Variants in LHX5 observed in about 807,000 individuals in gnomAD.
LHX5 encodes LIM/homeobox protein Lhx5.
Under a neutral mutation model 30.6 loss-of-function variants are expected in LHX5, and 5 were observed. That is an observed-to-expected ratio of 0.16 (90% CI 0.09 to 0.34). The LOEUF (loss-of-function observed/expected upper bound fraction) is 0.34, where lower values mean the gene tolerates loss of function less well. LHX5 is among the 10% of genes least tolerant of loss of function. The probability of loss-of-function intolerance (pLI) is 1.00; values close to 1 mark genes in which losing one functional copy is unlikely to be tolerated. For synonymous variants in LHX5, 266 were observed against 252.6 expected (o/e 1.05, Z -0.50); for missense variants, 458 against 570.6 (o/e 0.80, Z 2.01).
At position 113,466,115 on chromosome 12, in the gene LHX5, C is replaced by CT. The variant is rs1400518192; in HGVS notation, c.841+1140dup. On this transcript the variant is annotated intron_variant, in intron 4 of 4. Coordinates refer to ENST00000261731, the MANE Select transcript of LHX5 (RefSeq NM_022363.3). This position sits in a 1 kb window ranked among gnomAD's most constrained non-coding sequence, Gnocchi z 6.5. ...ACCTGGGTGCCTAGCTCCTGCCTTG[C>CT]TAACACTGCCACTGAACCCACTTTC... Among the ~76,000 whole-genome samples the CT allele has an allele frequency of 1.3e-5, 2 of 152,214 alleles. No individual in the cohort carries two copies. The highest frequency in any genetic ancestry group is 1.3e-4 in the Admixed American group (2 of 15,288).
chr12:113,463,437 G>A lies in LHX5; in HGVS notation c.962C>T (p.Thr321Met). 6.4e-7 allele frequency: 1 copy of A among 1,554,026 alleles called. No individual in the cohort carries two copies. Residue 321 changes from threonine (T) to methionine (M), a missense_variant, in exon 5 of 5, where the codon ACG becomes ATG. Thr to Met is a moderately conservative substitution (Grantham distance 81). Around this residue, in one of 3 missense-constraint regions of LHX5, gnomAD observed 255 missense variants for 246.8 expected, o/e 1.03. Transcript: ENST00000261731. This position sits in a 1 kb window ranked among gnomAD's most constrained non-coding sequence, Gnocchi z 6.7. ...CGGCGGTTCCAGCGCTCCCAGCGGC[G>A]TCGAGCCGGGGCCAGAGGCCGCCAG... ...SFLAASGPGSTPLGALEPPLA... is the reference protein window; with the variant it reads ...SFLAASGPGSMPLGALEPPLA...
intron 2 of LHX5, among the ~76,000 whole-genome samples, 189 bp downstream of exon 2, chr12:113,468,933 T>C (rs951105117): frequency 1.3e-5 from 2 of 152,188 alleles, no homozygotes. Context: ...AGATCCCCTG[T>C]AAAACCTGCT....
At position 113,467,137 on chromosome 12, in the gene LHX5, G is replaced by T; in HGVS notation, c.841+119C>A. The stretch of plus-strand genomic sequence containing the variant: ...GGTGAGTGTACATGTGTCTGTGATC[G>T]TGTGTCCAGCGAGTGGGCGATGTTC... On this transcript the variant is annotated intron_variant, in intron 4 of 4. Transcript: ENST00000261731. The surrounding 1 kb of genome is among the most constrained non-coding windows in gnomAD (Gnocchi z 6.3). 2.0e-6 allele frequency: 2 copies of T among 1,001,954 alleles called. No individual in the cohort carries two copies. The highest frequency in any genetic ancestry group is 4.5e-5 in the South Asian group (2 of 44,198). 62.1% of individuals were successfully genotyped at this position (1,001,954 alleles called of 1,614,324 possible).
At chr12:113,470,098 T>C (rs1425388509) in intron 1 of LHX5, among the ~76,000 whole-genome samples, 1 of 152,120 alleles carries the variant, frequency 6.6e-6, no homozygotes, top group Non-Finnish European at 1.5e-5. Context: ...CAGGAATCTC[T>C]CAAATCCCCG....
intron 1 of LHX5, 25 bp from the exon 2 acceptor site, chr12:113,469,370 T>C (rs1958233177): frequency 6.2e-7 from 1 of 1,600,862 alleles, no homozygotes; most frequent in African/African-American, 1.3e-5. Flanking sequence ...TGCCTGTCAC[T>C]ATGGGGTGGG....
Position 113,468,117 on chromosome 12 carries a change from C to A in LHX5, c.675+10G>T. On this transcript the variant is annotated intron_variant, in intron 3 of 4. Transcript: ENST00000261731. ...CGGGGCTAAGGAGCTGTGCCCGCCC[C>A]GGGCCGCACCTGGATGACGCGCATG... The A allele has an allele frequency of 6.5e-7, 1 of 1,540,982 alleles. No homozygotes were observed.
At position 113,463,628 on chromosome 12, in the gene LHX5, C is replaced by G; in HGVS notation, c.842-71G>C. 1 of 1,432,354 alleles carries G rather than the reference C, an allele frequency of 7.0e-7. No homozygotes were observed. The highest frequency in any genetic ancestry group is 9.2e-7 in the Non-Finnish European group (1 of 1,090,210). 88.7% of individuals were successfully genotyped at this position (1,432,354 alleles called of 1,614,324 possible). ...CGAAGTAGGCGGGGGACCCGGGACC[C>G]GGGGAGGGGACCCGGGCGGGCGAGA... On this transcript the variant is annotated intron_variant, in intron 4 of 4. Transcript: ENST00000261731. The surrounding 1 kb of genome is among the most constrained non-coding windows in gnomAD (Gnocchi z 6.7).
rs758804915 is a variant in LHX5, at chr12:113,471,386, T to C, written c.113A>G (p.Asn38Ser). The change falls in exon 1 of 5, where the codon AAC (asparagine) becomes AGC (serine). Residue 38 changes from asparagine (N) to serine (S), a missense_variant. Transcript: ENST00000261731. ...GCGCGAGAAGCACTTCTCCGAGAGGTTGGTTTTGCACTCGCAGCACTGAAC... is the reference window on the plus strand; with the variant it reads ...GCGCGAGAAGCACTTCTCCGAGAGGCTGGTTTTGCACTCGCAGCACTGAAC... Reference protein sequence around the residue: ...KCVQCCECKTNLSEKCFSREG... With the variant: ...KCVQCCECKTSLSEKCFSREG... 1.1e-5 allele frequency: 18 copies of C among 1,613,832 alleles called. No individual in the cohort carries two copies. The highest frequency in any genetic ancestry group is 1.1e-4 in the East Asian group (5 of 44,872).
At position 113,466,869 on chromosome 12, in the gene LHX5, G is replaced by A. The variant is rs1958218133; in HGVS notation, c.841+387C>T. ...GCCAGTACTGGCCTCAGTGTGACTG[G>A]TGGGAGTGTGCGCGTCTGTGGAGTT... On this transcript the variant is annotated intron_variant, in intron 4 of 4. Coordinates refer to ENST00000261731, the MANE Select transcript of LHX5 (RefSeq NM_022363.3). This position sits in a 1 kb window ranked among gnomAD's most constrained non-coding sequence, Gnocchi z 6.5. Among the ~76,000 whole-genome samples the A allele has an allele frequency of 6.6e-6, 1 of 152,154 alleles. No individual in the cohort carries two copies. Among genetic ancestry groups the A allele is most frequent in the Admixed American group, 6.5e-5 (1 of 15,268 alleles).
rs1958223073 is a variant in LHX5, at chr12:113,467,633, G to A, written c.676-212C>T. Among the ~76,000 whole-genome samples, 1 of 152,216 alleles carries A rather than the reference G, an allele frequency of 6.6e-6. No homozygotes were observed. Among genetic ancestry groups the A allele is most frequent in the Non-Finnish European group, 1.5e-5 (1 of 68,040 alleles). On this transcript the variant is annotated intron_variant, in intron 3 of 4. Coordinates refer to ENST00000261731, the MANE Select transcript of LHX5 (RefSeq NM_022363.3). The surrounding 1 kb of genome is among the most constrained non-coding windows in gnomAD (Gnocchi z 6.3). Reference sequence around the variant, plus strand: ...GTGAAGGATTTCGCGGACCCGTGGGGCGACTCATAAAGACTTGGGCTTCCT... The same window carrying A: ...GTGAAGGATTTCGCGGACCCGTGGGACGACTCATAAAGACTTGGGCTTCCT...
Position 113,468,322 on chromosome 12 carries a change from G to C in LHX5, c.480C>G (p.Thr160=). 6.2e-7 allele frequency: 1 copy of C among 1,614,176 alleles called. No homozygotes were observed. Residue 160 remains threonine (T), a synonymous_variant, in exon 3 of 5, where the codon ACC becomes ACG. Coordinates refer to ENST00000261731, the MANE Select transcript of LHX5 (RefSeq NM_022363.3). ...QDDPKETDNS[T]SSDKETANNE... ...TGTTGGCCGTCTCCTTGTCCGACGA[G>C]GTCGAGTTGTCCGTCTCTTTGGGGT...
intron 1 of LHX5, among the ~76,000 whole-genome samples, chr12:113,469,574 C>A (rs1958235024): frequency 3.9e-5 from 6 of 152,236 alleles, no homozygotes; most frequent in Admixed American, 3.9e-4. Context: ...TCAGACTCTC[C>A]TGAGCTGGGA....
At chr12:113,468,872 T>C (rs1269315160) in intron 2 of LHX5, among the ~76,000 whole-genome samples, 1 of 152,202 alleles carries the variant, frequency 6.6e-6, no homozygotes, top group Non-Finnish European at 1.5e-5. Context: ...GGAGGGCAAC[T>C]TGGAAAAGGC....
chr12:113,470,736 A>G (rs1187296812), intron 1 of LHX5, among the ~76,000 whole-genome samples: 2 of 151,910 alleles, frequency 1.3e-5, no homozygotes, highest in Admixed American at 1.3e-4. Context: ...CCCAGTCTAG[A>G]CCCCAGAGGT....
Position 113,463,258 on chromosome 12 carries a change from C to A in LHX5, c.1141G>T (p.Gly381Cys). The A allele has an allele frequency of 1.3e-6, 2 of 1,526,112 alleles. No individual in the cohort carries two copies. Among genetic ancestry groups the A allele is most frequent in the East Asian group, 2.6e-5 (1 of 38,488 alleles). 94.5% of individuals were successfully genotyped at this position (1,526,112 alleles called of 1,614,324 possible). A position where few individuals can be genotyped will look rare whatever the true frequency, so the allele number is the denominator to read the frequency against. ...AGGGGTCCGCTGTAGCCGCTGGTGC[C>A]GCTCATTGGGAAGGGCGGGCTGGGC... ...GGPSPPFPMS[G>C]TSGYSGPLSH... Residue 381 changes from glycine (G) to cysteine (C), a missense_variant, in exon 5 of 5, where the codon GGC (glycine) becomes TGC (cysteine). Gly to Cys is a radical substitution (Grantham distance 159, BLOSUM62 -3). Transcript: ENST00000261731. This position sits in a 1 kb window ranked among gnomAD's most constrained non-coding sequence, Gnocchi z 6.7.
Position 113,468,271 on chromosome 12 carries a change from G to A in LHX5, c.531C>T (p.Gly177=). 6.2e-7 allele frequency: 1 copy of A among 1,614,140 alleles called. No individual in the cohort carries two copies. Among genetic ancestry groups the A allele is most frequent in the Non-Finnish European group, 8.5e-7 (1 of 1,179,964 alleles). ...TGGTGCGGGGGCCGCGCCGCTTGGTGCCCGAGTTCTGCTCCTCGTTCTCGT... is the reference window on the plus strand; with the variant it reads ...TGGTGCGGGGGCCGCGCCGCTTGGTACCCGAGTTCTGCTCCTCGTTCTCGT... ...ANNENEEQNS[G]TKRRGPRTTI... The change falls in exon 3 of 5, where the codon GGC becomes GGT. Residue 177 remains glycine, a synonymous_variant. Transcript: ENST00000261731.
rs1335413358 is a variant in LHX5, at chr12:113,464,085, C to T, written c.842-528G>A. Among the ~76,000 whole-genome samples, 3 of 152,150 alleles carry T rather than the reference C, an allele frequency of 2.0e-5. No individual in the cohort carries two copies. Among genetic ancestry groups the T allele is most frequent in the African/African-American group, 7.2e-5 (3 of 41,430 alleles). ...GCGGCTGAGACCCGAAAGCCCGAGA[C>T]ATCGGAGGGTCGCGGAGGAGTCGAG... On this transcript the variant is annotated intron_variant, in intron 4 of 4. Coordinates refer to ENST00000261731, the MANE Select transcript of LHX5 (RefSeq NM_022363.3). This position sits in a 1 kb window ranked among gnomAD's most constrained non-coding sequence, Gnocchi z 6.2.
rs1958210968 is a variant in LHX5, at chr12:113,465,725, G to A, written c.841+1531C>T. 6.6e-6 allele frequency among the ~76,000 whole-genome samples: 1 copy of A among 152,248 alleles called. No individual in the cohort carries two copies. The highest frequency in any genetic ancestry group is 2.4e-5 in the African/African-American group (1 of 41,472). ...TCCAGGCGGGGAAAAATTCCGGGCC[G>A]GTACCGCCCCCACTACCTCGCTGCT... On this transcript the variant is annotated intron_variant, in intron 4 of 4. Transcript: ENST00000261731. This position sits in a 1 kb window ranked among gnomAD's most constrained non-coding sequence, Gnocchi z 6.7.
chr12:113,469,192 G>T lies in LHX5; in HGVS notation c.327C>A (p.Asp109Glu). The T allele has an allele frequency of 6.2e-7, 1 of 1,614,272 alleles. No homozygotes were observed. Among genetic ancestry groups the T allele is most frequent in the Non-Finnish European group, 8.5e-7 (1 of 1,180,044 alleles). ...CGTCTTTGCACACGAACTTGTTCTC[G>T]TCGATGACGTAGAGCTCCTCGCCGG... ...LSTGEELYVI[D>E]ENKFVCKDDY... Residue 109 changes from aspartate (D) to glutamate (E), a missense_variant, in exon 2 of 5, where the codon GAC becomes GAA. Physicochemically the swap from Asp to Glu is conservative, Grantham distance 45 (BLOSUM62 2). Around this residue, in one of 3 missense-constraint regions of LHX5, gnomAD observed 178 missense variants for 238.5 expected, o/e 0.75. Transcript: ENST00000261731.
Sources: allele counts gnomAD v4.1 joint callset (sites outside exome capture counted in the v4.1 genomes callset), GRCh38; gene constraint gnomAD v4.1.1; regional missense constraint gnomAD v4.1.1; non-coding constraint Gnocchi (gnomAD v3.1); transcripts MANE v1.5; gene names NCBI Gene and HGNC (gene_info 2026-07-23, HGNC 2026-07-21).